The following CMC1 variants were observed in gnomAD, a reference collection of about 807,000 sequenced individuals.
CMC1 encodes the protein COX assembly mitochondrial protein homolog.
CMC1 carries 14 observed loss-of-function variants against 14.1 expected under a neutral mutation model. The ratio of observed to expected loss-of-function variants is 0.99; its 90% CI spans 0.66 to 1.55. The LOEUF (loss-of-function observed/expected upper bound fraction) is 1.55, where lower values mean the gene tolerates loss of function less well. Among genes scored for constraint, CMC1 ranks in the 40% most tolerant of loss-of-function variants. The probability of loss-of-function intolerance (pLI) is 0.00; values close to 1 mark genes in which losing one functional copy is unlikely to be tolerated. For missense variants in CMC1, 127 were observed against 123.8 expected (o/e 1.03, Z -0.12); for synonymous variants, 50 against 38.4 (o/e 1.30, Z -1.12).
At position 28,324,525 on chromosome 3, in the gene CMC1, C is replaced by G. The variant is rs901313419; in HGVS notation, c.*4896C>G. On this transcript the variant is annotated 3_prime_UTR_variant, in exon 4 of 4. Transcript: ENST00000466830. ...GATCATAAAATTCGATAACACTTCA[C>G]CAATTTGAATTCTAGAACTGGTGAT... The G allele has an allele frequency of 2.3e-6, 3 of 1,310,838 alleles. No homozygotes were observed. In the Admixed American group the frequency reaches 7.9e-5, roughly 35 times the overall value. 81.2% of individuals were successfully genotyped at this position (1,310,838 alleles called of 1,614,324 possible).
At position 28,253,055 on chromosome 3, in the gene CMC1, C is replaced by T. The variant is rs72897819; in HGVS notation, c.20-10236C>T. Among the ~76,000 whole-genome samples, 1,390 of 152,250 alleles carry T rather than the reference C, an allele frequency of 9.1e-3. 20 individuals are homozygous for T. The highest frequency in any genetic ancestry group is 0.032 in the African/African-American group (1,309 of 41,548). On this transcript the variant is annotated intron_variant, in intron 1 of 3. Coordinates refer to ENST00000466830, the MANE Select transcript of CMC1 (RefSeq NM_182523.2). ...TTAAGATGTCTCTTCGTCTACCCTT[C>T]CTCATTTTACTCTGTCGTTATAGCA...
Position 28,324,325 on chromosome 3 carries a change from G to A in CMC1, c.*4696G>A, listed in dbSNP as rs757475178. The A allele has an allele frequency of 1.3e-5, 21 of 1,605,694 alleles. No individual in the cohort carries two copies. Among genetic ancestry groups the A allele is most frequent in the Admixed American group, 1.0e-4 (6 of 59,338 alleles). ...TACATCTCCTGGTAAAGGGGAAGATGTGGTATGACAAAGAGCTTTGCCATT... is the reference window on the plus strand; with the variant it reads ...TACATCTCCTGGTAAAGGGGAAGATATGGTATGACAAAGAGCTTTGCCATT... On this transcript the variant is annotated 3_prime_UTR_variant, in exon 4 of 4. Transcript: ENST00000466830.
intron 2 of CMC1, among the ~76,000 whole-genome samples, chr3:28,277,597 A>C (rs1163637994): frequency 6.6e-6 from 1 of 152,186 alleles, no homozygotes; most frequent in Admixed American, 6.5e-5. Flanking sequence ...TGATGTTGAA[A>C]ATGAGGCTGC....
At chr3:28,277,087 G>A (rs1457725826) in intron 2 of CMC1, among the ~76,000 whole-genome samples, 2 of 152,118 alleles carry the variant, frequency 1.3e-5, no homozygotes, top group African/African-American at 4.8e-5. Flanking sequence ...TCTCTTTTGG[G>A]AGATAGAAAG....
At position 28,319,514 on chromosome 3, in the gene CMC1, A is replaced by G. The variant is rs1179253101; in HGVS notation, c.206A>G (p.Asn69Ser). The G allele has an allele frequency of 6.3e-7, 1 of 1,597,364 alleles. No homozygotes were observed. The highest frequency in any genetic ancestry group is 1.7e-5 in the Admixed American group (1 of 58,784). Residue 69 changes from asparagine (N) to serine (S), a missense_variant, in exon 4 of 4, where the codon AAT becomes AGT. Coordinates refer to ENST00000466830, the MANE Select transcript of CMC1 (RefSeq NM_182523.2). ...TTTTCATTTCCTTCTCATAGCTATA[A>G]TGATCCAGCCTTTTATGAAGAATGC... ...ALKECLTAYY[N>S]DPAFYEECKM...
At chr3:28,262,424 C>T (rs757366593) in intron 1 of CMC1, among the ~76,000 whole-genome samples, 34 of 152,024 alleles carry the variant, frequency 2.2e-4, no homozygotes, top group Non-Finnish European at 3.8e-4. Context: ...ACTTTTTTCA[C>T]CCGTGGCCTG....
intron 2 of CMC1, among the ~76,000 whole-genome samples, chr3:28,285,401 T>C (rs541964141): frequency 5.4e-4 from 82 of 151,874 alleles, no homozygotes; most frequent in Non-Finnish European, 9.4e-4. Flanking sequence ...AAAAGTCTTA[T>C]TTGGGTTAAA....
intron 2 of CMC1, among the ~76,000 whole-genome samples, chr3:28,296,829 G>A (rs1701761707): frequency 6.6e-6 from 1 of 151,908 alleles, no homozygotes; most frequent in Non-Finnish European, 1.5e-5. Flanking sequence ...GTTTAATAGA[G>A]TAATAGGGAA....
At chr3:28,253,663 T>C in intron 1 of CMC1, 3 of 848,164 alleles carry the variant, frequency 3.5e-6, no homozygotes, top group South Asian at 3.1e-5. Context: ...GATCCAAATA[T>C]AGAAACTATT....
intron 2 of CMC1, among the ~76,000 whole-genome samples, chr3:28,285,059 TGA>T (rs1314899871): frequency 6.6e-6 from 1 of 152,222 alleles, no homozygotes; most frequent in Non-Finnish European, 1.5e-5. Context: ...CTAATCCAAA[TGA>T]GCAGAAATTG....
intron 2 of CMC1, among the ~76,000 whole-genome samples, chr3:28,289,820 T>C (rs1365126821): frequency 6.6e-6 from 1 of 152,088 alleles, no homozygotes; most frequent in Non-Finnish European, 1.5e-5. Flanking sequence ...GTAGAAAATA[T>C]AAAATGCATT....
At chr3:28,304,076 A>G (rs1187519713) in intron 2 of CMC1, among the ~76,000 whole-genome samples, 1 of 152,094 alleles carries the variant, frequency 6.6e-6, no homozygotes, top group East Asian at 1.9e-4. Context: ...GTCTTTAGCT[A>G]TGTTGTCCAA....
chr3:28,290,380 A>G (rs1701409800), intron 2 of CMC1, among the ~76,000 whole-genome samples: 2 of 152,244 alleles, frequency 1.3e-5, no homozygotes, highest in Middle Eastern at 3.4e-3. Flanking sequence ...TAGAGTGGAT[A>G]TAATATTGTC....
chr3:28,258,765 A>G (rs893515277), intron 1 of CMC1, among the ~76,000 whole-genome samples: 1 of 151,172 alleles, frequency 6.6e-6, no homozygotes, highest in Non-Finnish European at 1.5e-5. Flanking sequence ...GACTACAGGC[A>G]CCCGCCACCA....
chr3:28,247,816 C>T (rs1014359296), intron 1 of CMC1, among the ~76,000 whole-genome samples: 1 of 152,078 alleles, frequency 6.6e-6, no homozygotes, highest in African/African-American at 2.4e-5. Flanking sequence ...GTTTGAATAA[C>T]ACTGGCTTAA....
At chr3:28,303,748 C>T (rs904668799) in intron 2 of CMC1, among the ~76,000 whole-genome samples, 4 of 151,770 alleles carry the variant, frequency 2.6e-5, no homozygotes, top group East Asian at 1.9e-4. Flanking sequence ...GCTATTTGTT[C>T]GATAAATATA....
chr3:28,287,777 C>G (rs1385486671), intron 2 of CMC1, among the ~76,000 whole-genome samples: 3 of 151,560 alleles, frequency 2.0e-5, no homozygotes, highest in African/African-American at 7.3e-5. Flanking sequence ...TGGTCAGAAT[C>G]TTTAGTTTTT....
intron 2 of CMC1, among the ~76,000 whole-genome samples, chr3:28,285,905 T>TACGC (rs1701151534): frequency 6.6e-6 from 1 of 151,984 alleles, no homozygotes; most frequent in South Asian, 2.1e-4. Context: ...TAGCTGGGAC[T>TACGC]ACGCGCCTGC....
At chr3:28,282,597 T>G (rs1312029942) in intron 2 of CMC1, among the ~76,000 whole-genome samples, 1 of 152,168 alleles carries the variant, frequency 6.6e-6, no homozygotes, top group African/African-American at 2.4e-5. Context: ...TAAACACAGT[T>G]TAATCTTTTA....
Sources: gnomAD v4.1 joint callset for allele counts (sites outside exome capture counted in the v4.1 genomes callset) on GRCh38, gnomAD v4.1.1 for gene constraint, MANE v1.5 for transcripts, NCBI Gene and HGNC (gene_info 2026-07-23, HGNC 2026-07-21) for gene names.